Variants in MPHOSPH9 observed in about 807,000 individuals in gnomAD.
The protein encoded by MPHOSPH9 is M-phase phosphoprotein 9.
Under a neutral mutation model 145.5 loss-of-function variants are expected in MPHOSPH9, and 88 were observed. The ratio of observed to expected loss-of-function variants is 0.60; its 90% CI spans 0.51 to 0.72. The LOEUF (loss-of-function observed/expected upper bound fraction) is 0.72, where lower values mean the gene tolerates loss of function less well. MPHOSPH9 is among the 30% of genes least tolerant of loss of function. MPHOSPH9 has a pLI of 0.00. For missense variants in MPHOSPH9, 1,238 were observed against 1,386.6 expected, an observed-to-expected ratio of 0.89 and a Z score of 1.70; for synonymous variants, 435 against 486.2, an observed-to-expected ratio of 0.89 and a Z score of 1.39.
rs568039381 is a variant in MPHOSPH9, at chr12:123,208,892, G to A, written c.1194+1164C>T. On this transcript the variant is annotated intron_variant, in intron 8 of 23. Coordinates refer to ENST00000606320, the MANE Select transcript of MPHOSPH9 (RefSeq NM_022782.4). ...AAACTATGATGCCCAGCTCAAGCCA[G>A]CCAGAATTTTTTAAAAGTGGAATTT... Among the ~76,000 whole-genome samples, 20 of 152,106 alleles carry A rather than the reference G, an allele frequency of 1.3e-4. No homozygotes were observed. In the South Asian group the frequency reaches 2.7e-3, roughly 21 times the overall value.
intron 4 of MPHOSPH9, 51 bp downstream of exon 4, chr12:123,222,987 T>G: frequency 1.1e-6 from 1 of 937,444 alleles, no homozygotes; most frequent in Non-Finnish European, 1.6e-6. Flanking sequence ...TGTGTATATG[T>G]ACGTATGTAT....
chr12:123,218,794 G>A (rs758500031), intron 5 of MPHOSPH9, among the ~76,000 whole-genome samples: 3 of 152,086 alleles, frequency 2.0e-5, no homozygotes, highest in Non-Finnish European at 2.9e-5. Context: ...GGGATTACAG[G>A]CATGAGCCAC....
intron 2 of MPHOSPH9, among the ~76,000 whole-genome samples, chr12:123,228,127 G>A (rs895702142): frequency 2.0e-5 from 3 of 152,096 alleles, no homozygotes; most frequent in Admixed American, 6.6e-5. Flanking sequence ...AAATATTCAG[G>A]ACTTATTTAG....
At chr12:123,187,827 C>T (rs755312171) in intron 13 of MPHOSPH9, among the ~76,000 whole-genome samples, 2 of 152,086 alleles carry the variant, frequency 1.3e-5, no homozygotes, top group Admixed American at 6.6e-5. Context: ...CCATATATTA[C>T]GTAAGAGGTA....
chr12:123,202,536 T>C lies in MPHOSPH9; in HGVS notation c.1781+88A>G, dbSNP rs958417471. On this transcript the variant is annotated intron_variant, in intron 10 of 23. Transcript: ENST00000606320. ...AAAATGCTAAATCTCTAAGACTTTATGCAATACTGAAGTTCAATAAAGATC... is the reference window on the plus strand; with the variant it reads ...AAAATGCTAAATCTCTAAGACTTTACGCAATACTGAAGTTCAATAAAGATC... 8 of 1,336,610 alleles carry C rather than the reference T, an allele frequency of 6.0e-6. No individual in the cohort carries two copies. In the African/African-American group the frequency reaches 1.0e-4, roughly 17 times the overall value. The allele number at this position is 1,336,610 out of a possible 1,614,324, so 82.8% of individuals were successfully genotyped here.
chr12:123,162,032 T>A lies in MPHOSPH9; in HGVS notation c.3133+83A>T, dbSNP rs1461569628. ...GAAAATATTTAAGTGCAAGATATTA[T>A]AATATTTAGAACACTGAGAGATACC... On this transcript the variant is annotated intron_variant, in intron 21 of 23. Transcript: ENST00000606320. The A allele has an allele frequency of 3.7e-6, 3 of 819,978 alleles. No individual in the cohort carries two copies. The East Asian group carries it at 8.4e-5, about 23-fold the overall frequency. 50.8% of individuals were successfully genotyped at this position (819,978 alleles called of 1,614,324 possible).
At chr12:123,166,364 C>T in intron 17 of MPHOSPH9, 1 of 355,826 alleles carries the variant, frequency 2.8e-6, no homozygotes, top group Non-Finnish European at 5.0e-6. Context: ...CGTTGGCCTC[C>T]CAAAGTGTTG....
upstream of MPHOSPH9, among the ~76,000 whole-genome samples, chr12:123,234,246 GTAAAGGGAC>G (rs2047792049): frequency 6.6e-6 from 1 of 152,224 alleles, no homozygotes; most frequent in South Asian, 2.1e-4. Context: ...CTGGCTCACA[GTAAAGGGAC>G]TTCCCTGGCA....
intron 1 of MPHOSPH9, among the ~76,000 whole-genome samples, chr12:123,239,476 C>T (rs2047897436): frequency 6.6e-6 from 1 of 152,108 alleles, no homozygotes; most frequent in Non-Finnish European, 1.5e-5. Flanking sequence ...AATCTCGGCT[C>T]ACCGCAATCT....
At chr12:123,180,374 A>G (rs1565916620) in intron 14 of MPHOSPH9, among the ~76,000 whole-genome samples, 1 of 152,196 alleles carries the variant, frequency 6.6e-6, no homozygotes, top group African/African-American at 2.4e-5. Flanking sequence ...CAAGCTATGC[A>G]GGCCTTTTTG....
chr12:123,202,538 C>T, intron 10 of MPHOSPH9, 86 bp downstream of exon 10: 1 of 1,339,398 alleles, frequency 7.5e-7, no homozygotes. Context: ...AGACTTTATG[C>T]AATACTGAAG....
At chr12:123,208,474 T>C (rs1420616173) in intron 8 of MPHOSPH9, among the ~76,000 whole-genome samples, 1 of 148,110 alleles carries the variant, frequency 6.8e-6, no homozygotes, top group African/African-American at 2.5e-5. Flanking sequence ...GAGGCAGAGG[T>C]TGCAGTGAGC....
intron 13 of MPHOSPH9, among the ~76,000 whole-genome samples, chr12:123,184,049 T>C (rs1442506319): frequency 6.6e-6 from 1 of 151,724 alleles, no homozygotes; most frequent in Non-Finnish European, 1.5e-5. Flanking sequence ...CTACAAAAAA[T>C]TTAAAAATTA....
At chr12:123,215,580 T>C (rs2138522677) in intron 6 of MPHOSPH9, among the ~76,000 whole-genome samples, 1 of 152,320 alleles carries the variant, frequency 6.6e-6, no homozygotes, top group African/African-American at 2.4e-5. Flanking sequence ...AATATGAGCC[T>C]TAAGTAGTAG....
At chr12:123,190,969 C>T (rs908757472) in intron 13 of MPHOSPH9, among the ~76,000 whole-genome samples, 2 of 152,132 alleles carry the variant, frequency 1.3e-5, no homozygotes, top group South Asian at 2.1e-4. Flanking sequence ...TCTAGCTATC[C>T]TTTGCTGCTT....
intron 13 of MPHOSPH9, among the ~76,000 whole-genome samples, chr12:123,192,614 G>GAGGGATTGTC (rs2045730638): frequency 9.9e-6 from 1 of 100,932 alleles, no homozygotes; most frequent in Non-Finnish European, 1.8e-5. Flanking sequence ...GGGCAACAGA[G>GAGGGATTGTC]TGAGACACCG....
At chr12:123,215,602 T>C (rs1392534538) in intron 6 of MPHOSPH9, among the ~76,000 whole-genome samples, 2 of 152,202 alleles carry the variant, frequency 1.3e-5, no homozygotes, top group Non-Finnish European at 2.9e-5. Flanking sequence ...CTACTTCCTA[T>C]ATACAAACAA....
At chr12:123,218,979 T>G in intron 5 of MPHOSPH9, among the ~76,000 whole-genome samples, 1 of 151,984 alleles carries the variant, frequency 6.6e-6, no homozygotes, top group Non-Finnish European at 1.5e-5. Flanking sequence ...GACAGCTCAC[T>G]GCAGTCTGAC....
intron 8 of MPHOSPH9, among the ~76,000 whole-genome samples, chr12:123,206,511 G>A (rs58790744): frequency 0.01 from 906 of 87,916 alleles, 7 homozygotes; most frequent in African/African-American, 0.037. Flanking sequence ...GGAGAGGAGA[G>A]GAGAAGAGAA....
Sources: allele counts gnomAD v4.1 joint callset (sites outside exome capture counted in the v4.1 genomes callset), GRCh38; gene constraint gnomAD v4.1.1; transcripts MANE v1.5; gene names NCBI Gene and HGNC (gene_info 2026-07-23, HGNC 2026-07-21).